LAMA5: variants seen among roughly 807,000 people sequenced by gnomAD.
LAMA5 encodes laminin subunit alpha 5, also known as laminin subunit alpha-5.
LAMA5 carries 260 observed loss-of-function variants against 433.4 expected under a neutral mutation model. The ratio of observed to expected loss-of-function variants is 0.60; its 90% CI spans 0.54 to 0.66. The LOEUF (loss-of-function observed/expected upper bound fraction) is 0.66. Among genes scored for constraint, LAMA5 ranks in the 30% least tolerant of loss-of-function variants. The pLI is 0.00. For synonymous variants in LAMA5, 2,620 were observed against 2,226.6 expected, an observed-to-expected ratio of 1.18 and a Z score of -4.97; for missense variants, 5,378 against 5,258.5, an observed-to-expected ratio of 1.02 and a Z score of -0.70.
At chr20:62,325,693 TC>T in intron 40 of LAMA5, 147 bp from the exon 41 acceptor site, 1 of 557,746 alleles carries the variant, frequency 1.8e-6, no homozygotes. Flanking sequence ...AAAACCAGTC[TC>T]CCATGAGGCC....
chr20:62,314,528 G>T (rs756651463), intron 61 of LAMA5, 27 bp downstream of exon 61: 1 of 1,605,562 alleles, frequency 6.2e-7, no homozygotes, highest in Non-Finnish European at 8.5e-7. Flanking sequence ...CTGAGCTCGG[G>T]CCGCATCCAC....
At chr20:62,353,021 C>T (rs1409430903) in intron 3 of LAMA5, 113 bp downstream of exon 3, 15 of 724,264 alleles carry the variant, frequency 2.1e-5, no homozygotes, top group Non-Finnish European at 3.2e-5. Context: ...CCGCAGCAGC[C>T]GGGTGTGAGG....
Position 62,313,068 on chromosome 20 carries a change from G to A in LAMA5, c.8955+20C>T. 1 of 1,607,012 alleles carries A rather than the reference G, an allele frequency of 6.2e-7. No individual in the cohort carries two copies. The highest frequency in any genetic ancestry group is 8.5e-7 in the Non-Finnish European group (1 of 1,177,838). The stretch of plus-strand genomic sequence containing the variant: ...GGGTCAGTGCAAGTGGGGATGGCAG[G>A]ACGGGTGTGCCTGGCGCACCTGCTG... On this transcript the variant is annotated intron_variant, in intron 65 of 79. Coordinates refer to ENST00000252999, the MANE Select transcript of LAMA5 (RefSeq NM_005560.6).
intron 11 of LAMA5, among the ~76,000 whole-genome samples, chr20:62,339,965 C>A (rs1490463637): frequency 1.3e-5 from 2 of 152,148 alleles, no homozygotes; most frequent in Admixed American, 6.5e-5. Flanking sequence ...TACCTTAAAC[C>A]AACGCCTCAG....
At chr20:62,328,139 G>C in intron 35 of LAMA5, 102 bp downstream of exon 35, 1 of 1,507,120 alleles carries the variant, frequency 6.6e-7, no homozygotes, top group South Asian at 1.2e-5. Flanking sequence ...TGCACCCAGG[G>C]AGCACAAATG....
chr20:62,342,994 C>T (rs1982823328), intron 11 of LAMA5, among the ~76,000 whole-genome samples: 1 of 152,166 alleles, frequency 6.6e-6, no homozygotes, highest in Non-Finnish European at 1.5e-5. Flanking sequence ...CTTACTATGG[C>T]CCAGTAGCGA....
At position 62,316,644 on chromosome 20, in the gene LAMA5, G is replaced by C. The variant is rs6062214; in HGVS notation, c.7756+27C>G. The C allele has an allele frequency of 4.3e-5, 65 of 1,509,206 alleles. No individual in the cohort carries two copies. The South Asian group carries it at 7.0e-4, about 16-fold the overall frequency. The allele number at this position is 1,509,206 out of a possible 1,614,324, so 93.5% of individuals were successfully genotyped here. Reference sequence around the variant, plus strand: ...GAGCTCAGATGCCCAGCAGGCCTAAGGGCCCCCATCGGAGCCCAGCACTCA... The same window carrying C: ...GAGCTCAGATGCCCAGCAGGCCTAACGGCCCCCATCGGAGCCCAGCACTCA... On this transcript the variant is annotated intron_variant, in intron 57 of 79. Transcript: ENST00000252999.
At chr20:62,327,194 T>G in intron 38 of LAMA5, 39 bp downstream of exon 38, 1 of 1,459,924 alleles carries the variant, frequency 6.8e-7, no homozygotes. Flanking sequence ...GTCCTGGCCA[T>G]CCTCAAAGTG....
chr20:62,313,301 A>G, intron 64 of LAMA5, 26 bp downstream of exon 64: 1 of 1,523,312 alleles, frequency 6.6e-7, no homozygotes, highest in East Asian at 2.5e-5. Context: ...GGGTGGGTGG[A>G]GACGGGGAGG....
Position 62,367,012 on chromosome 20 carries a change from C to G in LAMA5, c.234G>C (p.Glu78Asp). Reference sequence around the variant, plus strand: ...CCCCTACCAGCTTGCAGTAAAGGTCCTCGGTGGGGCGCGGGGAGCCGCGCG... The same window carrying G: ...CCCCTACCAGCTTGCAGTAAAGGTCGTCGGTGGGGCGCGGGGAGCCGCGCG... ...APARGSPRPT[E>D]DLYCKLVGGP... The change falls in exon 1 of 80, where the codon GAG becomes GAC. Residue 78 changes from glutamate (E) to aspartate (D), a missense_variant. Physicochemically the swap from Glu to Asp is conservative, Grantham distance 45 (BLOSUM62 2). Coordinates refer to ENST00000252999, the MANE Select transcript of LAMA5 (RefSeq NM_005560.6). 3.9e-6 allele frequency: 5 copies of G among 1,277,248 alleles called. No individual in the cohort carries two copies. The highest frequency in any genetic ancestry group is 4.9e-6 in the Non-Finnish European group (5 of 1,013,906). 79.1% of individuals were successfully genotyped at this position (1,277,248 alleles called of 1,614,324 possible).
At position 62,314,455 on chromosome 20, in the gene LAMA5, G is replaced by A. The variant is rs1601287292; in HGVS notation, c.8368-15C>T. On this transcript the variant is annotated splice_polypyrimidine_tract_variant and intron_variant, in intron 61 of 79. Coordinates refer to ENST00000252999, the MANE Select transcript of LAMA5 (RefSeq NM_005560.6). ...TCCCCAGTGGCCTGCGGCAGTGACA[G>A]ACACACAGTCGGGATGGGGACCGGG... 2.5e-6 allele frequency: 4 copies of A among 1,613,154 alleles called. No individual in the cohort carries two copies. The highest frequency in any genetic ancestry group is 3.4e-6 in the Non-Finnish European group (4 of 1,179,834).
Position 62,316,659 on chromosome 20 carries a change from C to G in LAMA5, c.7756+12G>C. The G allele has an allele frequency of 6.4e-7, 1 of 1,564,158 alleles. No homozygotes were observed. The highest frequency in any genetic ancestry group is 8.7e-7 in the Non-Finnish European group (1 of 1,150,416). ...GCAGGCCTAAGGGCCCCCATCGGAGCCCAGCACTCACCAAGGCCCAGCCTC... is the reference window on the plus strand; with the variant it reads ...GCAGGCCTAAGGGCCCCCATCGGAGGCCAGCACTCACCAAGGCCCAGCCTC... On this transcript the variant is annotated intron_variant, in intron 57 of 79. Coordinates refer to ENST00000252999, the MANE Select transcript of LAMA5 (RefSeq NM_005560.6).
Position 62,367,142 on chromosome 20 carries a change from G to A in LAMA5, c.104C>T (p.Ala35Val), listed in dbSNP as rs764322657. The A allele has an allele frequency of 1.6e-6, 2 of 1,268,390 alleles. No homozygotes were observed. The highest frequency in any genetic ancestry group is 5.7e-5 in the South Asian group (2 of 35,206). The allele number at this position is 1,268,390 out of a possible 1,614,324, so 78.6% of individuals were successfully genotyped here. A position where few individuals can be genotyped will look rare whatever the true frequency, so the allele number is the denominator to read the frequency against. Reference protein sequence around the residue: ...VGLALLGAARAREEAGGGFSL... With the variant: ...VGLALLGAARVREEAGGGFSL... Reference sequence around the variant, plus strand: ...GAAGCCGCCGCCCGCCTCCTCCCGCGCCCGCGCCGCGCCCAGCAGCGCCAG... The same window carrying A: ...GAAGCCGCCGCCCGCCTCCTCCCGCACCCGCGCCGCGCCCAGCAGCGCCAG... Residue 35 changes from alanine to valine, a missense_variant, in exon 1 of 80, where the codon GCG becomes GTG. Physicochemically the swap from Ala to Val is moderately conservative, Grantham distance 64 (BLOSUM62 0). Transcript: ENST00000252999.
Position 62,317,878 on chromosome 20 carries a change from G to A in LAMA5, c.7240-100C>T, listed in dbSNP as rs139525961. 2.6e-4 allele frequency: 65 copies of A among 246,354 alleles called. No individual in the cohort carries two copies. The South Asian group carries it at 6.0e-3, about 23-fold the overall frequency. The allele number at this position is 246,354 out of a possible 1,614,324, so 15.3% of individuals were successfully genotyped here. On this transcript the variant is annotated intron_variant, in intron 53 of 79. Transcript: ENST00000252999. Reference sequence around the variant, plus strand: ...GGGCAGGGAAGGGAGAAGAAAAGAGGGGGAGTATGGGGGGTGAGGAGGGGG... The same window carrying A: ...GGGCAGGGAAGGGAGAAGAAAAGAGAGGGAGTATGGGGGGTGAGGAGGGGG...
At position 62,352,360 on chromosome 20, in the gene LAMA5, G is replaced by T. The variant is rs1477136878; in HGVS notation, c.569C>A (p.Ser190Tyr). Residue 190 changes from serine (S) to tyrosine (Y), a missense_variant and splice_region_variant, in exon 4 of 80, where the codon TCC becomes TAC. Physicochemically the swap from Ser to Tyr is moderately radical, Grantham distance 144. Transcript: ENST00000252999. Reference sequence around the variant, plus strand: ...CCGCTCCAGACAGTCCCTCTTGGAGGCTGCGGGGAATGGCGGGAGGGGAGG... The same window carrying T: ...CCGCTCCAGACAGTCCCTCTTGGAGTCTGCGGGGAATGGCGGGAGGGGAGG... ...RTYQPWQFFA[S>Y]SKRDCLERFG... 6.3e-7 allele frequency: 1 copy of T among 1,596,498 alleles called. No homozygotes were observed. Among genetic ancestry groups the T allele is most frequent in the Non-Finnish European group, 8.5e-7 (1 of 1,178,046 alleles).
Position 62,322,261 on chromosome 20 carries a change from G to T in LAMA5, c.6346+8C>A. 6.3e-7 allele frequency: 1 copy of T among 1,587,380 alleles called. No homozygotes were observed. On this transcript the variant is annotated splice_region_variant and intron_variant, in intron 47 of 79. Transcript: ENST00000252999. ...CCATCCGCCCTCCTGTGACCGGCCA[G>T]CACTCACGCCTGCAGCCCTGCTCAG...
rs1310366118 is a variant in LAMA5 at position 62,352,308 on chromosome 20, G to A, written c.621C>T (p.Ile207=). ...TGCAGATGGCCGCGTCGTCCCGTGT[G>A]ATGCGCTCCAGCGTCTGTGGCCCGA... The part of the protein sequence containing the change: ...ERFGPQTLER[I]TRDDAAICTT... Residue 207 remains isoleucine (I), a synonymous_variant, in exon 4 of 80, where the codon ATC becomes ATT. Coordinates refer to ENST00000252999, the MANE Select transcript of LAMA5 (RefSeq NM_005560.6). The A allele has an allele frequency of 1.3e-6, 2 of 1,600,000 alleles. No homozygotes were observed. The highest frequency in any genetic ancestry group is 1.7e-6 in the Non-Finnish European group (2 of 1,179,742).
rs755994199 is a variant in LAMA5, at chr20:62,351,953, G to A, written c.814C>T (p.His272Tyr). The A allele has an allele frequency of 1.2e-6, 2 of 1,612,122 alleles. No homozygotes were observed. The highest frequency in any genetic ancestry group is 1.7e-6 in the Non-Finnish European group (2 of 1,179,698). Residue 272 changes from histidine to tyrosine, a missense_variant, in exon 5 of 80, where the codon CAT becomes TAT. Physicochemically the swap from His to Tyr is moderately conservative, Grantham distance 83 (BLOSUM62 2). Coordinates refer to ENST00000252999, the MANE Select transcript of LAMA5 (RefSeq NM_005560.6). ...RFLRTNTLLG[H>Y]LMGKALRDPT... Reference sequence around the variant, plus strand: ...TCCCGCAGCGCCTTCCCCATGAGATGGCCCAGCAGCGTGTTGGTACGCAGG... The same window carrying A: ...TCCCGCAGCGCCTTCCCCATGAGATAGCCCAGCAGCGTGTTGGTACGCAGG...
chr20:62,320,120 A>G (rs960817036), intron 50 of LAMA5, among the ~76,000 whole-genome samples: 2 of 152,034 alleles, frequency 1.3e-5, no homozygotes, highest in Non-Finnish European at 2.9e-5. Flanking sequence ...GGAGTTCAAG[A>G]CCAGCCTGAC....
Sources: allele counts gnomAD v4.1 joint callset (sites outside exome capture counted in the v4.1 genomes callset), GRCh38; gene constraint gnomAD v4.1.1; transcripts MANE v1.5; gene names NCBI Gene and HGNC (gene_info 2026-07-23, HGNC 2026-07-21).